NEBL: variants seen among roughly 807,000 people sequenced by gnomAD.
NEBL encodes the protein nebulette, also known as LIM and SH3 protein 2.
In NEBL, 122 loss-of-function variants were observed where a neutral mutation model predicts 140.2. That is an observed-to-expected ratio of 0.87 (90% confidence interval 0.75 to 1.01). NEBL has a LOEUF of 1.01. NEBL is among the 50% of genes least tolerant of loss of function. The probability of loss-of-function intolerance (pLI) is 0.00; values close to 1 mark genes in which losing one functional copy is unlikely to be tolerated. For missense variants in NEBL, 1,365 were observed against 1,231.3 expected (o/e 1.11, Z -1.62); for synonymous variants, 436 against 398.9 (o/e 1.09, Z -1.11).
chr10:21,246,325 C>T lies in NEBL; in HGVS notation n.348+1596G>A, dbSNP rs142465042. 5.7e-4 allele frequency among the ~76,000 whole-genome samples: 87 copies of T among 152,340 alleles called. 1 individual carries two copies. Among genetic ancestry groups the T allele is most frequent in the African/African-American group, 2.0e-3 (83 of 41,578 alleles). ...GGCAGTTCTTACAATATTTAACATA[C>T]ACTCGCCATATAACCCAGTAATCCC... On this transcript the variant is annotated intron_variant and non_coding_transcript_variant, in intron 3 of 8. Coordinates refer to the NEBL transcript ENST00000675702.
At chr10:20,889,992 C>T in intron 2 of NEBL, 43 bp from the exon 3 acceptor site, 2 of 1,280,282 alleles carry the variant, frequency 1.6e-6, no homozygotes, top group South Asian at 1.3e-5. Flanking sequence ...AAAAGAAAAA[C>T]AATTCTAATG....
intron 2 of NEBL, among the ~76,000 whole-genome samples, chr10:21,054,715 T>C (rs1242776048): frequency 6.6e-6 from 1 of 152,228 alleles, no homozygotes; most frequent in Non-Finnish European, 1.5e-5. Context: ...TGCCAAGCTC[T>C]GCCCGAGATC....
intron 13 of NEBL, among the ~76,000 whole-genome samples, chr10:20,838,203 A>G (rs1414549694): frequency 1.3e-5 from 2 of 152,200 alleles, no homozygotes; most frequent in Non-Finnish European, 2.9e-5. Flanking sequence ...AAAAAGATTC[A>G]CCACTCTACA....
In NEBL at chr10:21,026,561, A is replaced by T. The variant is rs149877659; in HGVS notation, c.165-6360T>A. On this transcript the variant is annotated intron_variant, in intron 2 of 6. Coordinates refer to the NEBL transcript ENST00000417816. ...TTCTAAATCGATTATATCCATCTCC[A>T]TCTTCTCCCTCCTGAGCACTTAAGT... 2.0e-3 allele frequency among the ~76,000 whole-genome samples: 297 copies of T among 152,228 alleles called. 3 individuals are homozygous for T. The highest frequency in any genetic ancestry group is 6.8e-3 in the Middle Eastern group (2 of 294).
intron 3 of NEBL, among the ~76,000 whole-genome samples, chr10:21,246,094 G>C (rs1189886988): frequency 3.3e-5 from 5 of 152,342 alleles, no homozygotes; most frequent in Non-Finnish European, 7.3e-5. Context: ...GGAGTGCGCT[G>C]TGTGACCTTG....
chr10:21,166,219 C>CAAAAAAAAA (rs1170225891), intron 2 of NEBL, among the ~76,000 whole-genome samples: 3 of 35,382 alleles, frequency 8.5e-5, no homozygotes, highest in African/African-American at 8.3e-5. Flanking sequence ...GACTGTGTCT[C>CAAAAAAAAA]AAAAAAAAAA....
rs149636517 is a variant in NEBL, at chr10:21,266,675, T to C, written n.183-14847A>G. 1.6e-4 allele frequency among the ~76,000 whole-genome samples: 24 copies of C among 152,312 alleles called. No individual in the cohort carries two copies. In the East Asian group the frequency reaches 4.4e-3, roughly 28 times the overall value. ...GGGGGACTCTTTTCAGATGCCTGTG[T>C]CTCTTTTCAAACAGCCCAGAATCCT... On this transcript the variant is annotated intron_variant and non_coding_transcript_variant, in intron 1 of 8. Coordinates refer to the NEBL transcript ENST00000675702.
At chr10:21,227,713 T>C (rs202177245) in intron 3 of NEBL, among the ~76,000 whole-genome samples, 401 of 62,846 alleles carry the variant, frequency 6.4e-3, no homozygotes, top group Admixed American at 0.015. Context: ...TCTTCTTCTT[T>C]CTTCTTCTTC....
chr10:20,842,935 T>A (rs1178616195), intron 12 of NEBL, among the ~76,000 whole-genome samples: 1 of 152,084 alleles, frequency 6.6e-6, no homozygotes, highest in African/African-American at 2.4e-5. Flanking sequence ...GTATTTTAGA[T>A]TCCACATAAA....
intron 13 of NEBL, among the ~76,000 whole-genome samples, chr10:20,837,266 T>A (rs186541666): frequency 1.2e-4 from 18 of 152,298 alleles, no homozygotes; most frequent in Middle Eastern, 3.4e-3. Flanking sequence ...GCTACCCCAG[T>A]GAACACATGA....
At chr10:21,289,957 T>C (rs563381845) in intron 1 of NEBL, among the ~76,000 whole-genome samples, 36 of 152,352 alleles carry the variant, frequency 2.4e-4, no homozygotes, top group African/African-American at 8.2e-4. Flanking sequence ...GACTCTTTAC[T>C]CTCTGGCCCT....
chr10:20,939,396 T>A (rs1834709476), intron 4 of NEBL, among the ~76,000 whole-genome samples: 1 of 152,148 alleles, frequency 6.6e-6, no homozygotes, highest in African/African-American at 2.4e-5. Context: ...AGAGATTTTG[T>A]CACCACCAAG....
At chr10:20,951,676 T>G (rs1408611968) in intron 4 of NEBL, among the ~76,000 whole-genome samples, 2 of 152,200 alleles carry the variant, frequency 1.3e-5, no homozygotes, top group African/African-American at 4.8e-5. Context: ...TAAACCTGCC[T>G]CTAAAACTTC....
intron 2 of NEBL, among the ~76,000 whole-genome samples, chr10:21,171,132 T>C (rs1841052390): frequency 6.6e-6 from 1 of 152,000 alleles, no homozygotes; most frequent in African/African-American, 2.4e-5. Flanking sequence ...GGTCCAGAGT[T>C]CGAGGCCAGC....
chr10:21,186,255 C>A (rs1025826835), intron 3 of NEBL, among the ~76,000 whole-genome samples: 2 of 136,840 alleles, frequency 1.5e-5, no homozygotes, highest in African/African-American at 5.9e-5. Context: ...TTTATATATA[C>A]AAACACACAC....
At chr10:20,979,512 G>A (rs1328617456) in intron 3 of NEBL, among the ~76,000 whole-genome samples, 1 of 152,094 alleles carries the variant, frequency 6.6e-6, no homozygotes, top group Non-Finnish European at 1.5e-5. Flanking sequence ...ATTCTCAGAA[G>A]AGATCTAATA....
intron 2 of NEBL, among the ~76,000 whole-genome samples, chr10:21,134,846 T>C (rs1839277447): frequency 6.6e-6 from 1 of 152,226 alleles, no homozygotes; most frequent in African/African-American, 2.4e-5. Flanking sequence ...CCCTGGAAGG[T>C]ACGCTACTCT....
At chr10:21,259,855 G>A (rs1241402932) in intron 1 of NEBL, among the ~76,000 whole-genome samples, 1 of 152,206 alleles carries the variant, frequency 6.6e-6, no homozygotes, top group Admixed American at 6.5e-5. Flanking sequence ...GATCTAAGGT[G>A]GAACAGGAAG....
chr10:21,126,147 C>T (rs752325359), intron 2 of NEBL: 14 of 1,590,500 alleles, frequency 8.8e-6, no homozygotes, highest in East Asian at 2.3e-5. Flanking sequence ...TGCAGCTGTC[C>T]GTTCTTCAAG....
Sources: gnomAD v4.1 joint callset for allele counts (sites outside exome capture counted in the v4.1 genomes callset) on GRCh38, gnomAD v4.1.1 for gene constraint, MANE v1.5 for transcripts, NCBI Gene and HGNC (gene_info 2026-07-23, HGNC 2026-07-21) for gene names.